SYNPR: variants seen among roughly 807,000 people sequenced by gnomAD.
The protein encoded by SYNPR is synaptoporin.
In SYNPR, 23 loss-of-function variants were observed where a neutral mutation model predicts 32.9. The observed-to-expected ratio is 0.70, with a 90% confidence interval of 0.50 to 0.99. SYNPR has a LOEUF of 0.99. Ranked by LOEUF, SYNPR falls within the 50% of genes least tolerant of loss-of-function variation. The pLI is 0.00. For synonymous variants in SYNPR, 146 were observed against 135.9 expected (o/e 1.07, Z -0.52); for missense variants, 318 against 349.3 (o/e 0.91, Z 0.71).
intron 2 of SYNPR, among the ~76,000 whole-genome samples, chr3:63,385,089 T>C (rs1464390571): frequency 2.6e-5 from 4 of 152,164 alleles, no homozygotes; most frequent in Admixed American, 6.5e-5. Context: ...TACCCTACTT[T>C]CTCAATTTTT....
intron 3 of SYNPR, among the ~76,000 whole-genome samples, chr3:63,488,151 C>T (rs9849131): frequency 0.43 from 65,715 of 151,922 alleles, 14,255 homozygotes; most frequent in East Asian, 0.5. Context: ...TCGGTTTTTA[C>T]CATAATAGCC....
chr3:63,605,663 A>G (rs2106898548), intron 4 of SYNPR, among the ~76,000 whole-genome samples: 1 of 152,346 alleles, frequency 6.6e-6, no homozygotes, highest in Admixed American at 6.5e-5. Context: ...ATGAAACTGG[A>G]AAAGGAACAT....
intron 2 of SYNPR, among the ~76,000 whole-genome samples, chr3:63,363,910 T>G (rs1006886297): frequency 6.6e-6 from 1 of 152,212 alleles, no homozygotes; most frequent in Non-Finnish European, 1.5e-5. Flanking sequence ...ATTATAAAAT[T>G]GTGCATGATA....
At chr3:63,523,898 C>T (rs987462829) in intron 3 of SYNPR, among the ~76,000 whole-genome samples, 2 of 152,136 alleles carry the variant, frequency 1.3e-5, no homozygotes, top group Non-Finnish European at 2.9e-5. Flanking sequence ...AACCAGGAAT[C>T]TGCCCTCCAC....
chr3:63,458,832 A>C (rs1223594498), intron 2 of SYNPR, among the ~76,000 whole-genome samples: 1 of 152,068 alleles, frequency 6.6e-6, no homozygotes, highest in East Asian at 1.9e-4. Flanking sequence ...AACAGGCCTA[A>C]CTATTGTCTC....
intron 4 of SYNPR, among the ~76,000 whole-genome samples, chr3:63,593,141 C>G (rs1400521262): frequency 2.0e-5 from 3 of 152,064 alleles, no homozygotes. Context: ...GGGCTTAGCA[C>G]AGCACCTGAC....
chr3:63,354,577 G>C (rs2087550664), intron 2 of SYNPR, among the ~76,000 whole-genome samples: 1 of 152,200 alleles, frequency 6.6e-6, no homozygotes, highest in African/African-American at 2.4e-5. Flanking sequence ...TTAGTAGGAA[G>C]AACTTCAAAC....
At chr3:63,422,804 T>C (rs991324204) in intron 2 of SYNPR, among the ~76,000 whole-genome samples, 3 of 152,108 alleles carry the variant, frequency 2.0e-5, no homozygotes, top group African/African-American at 7.2e-5. Context: ...GCTATATAGA[T>C]ATTGCAGAGA....
intron 2 of SYNPR, among the ~76,000 whole-genome samples, chr3:63,379,957 G>T (rs547263398): frequency 6.6e-6 from 1 of 152,034 alleles, no homozygotes; most frequent in East Asian, 1.9e-4. Context: ...TTGTCCTTGC[G>T]ATAGTTTGCT....
chr3:63,584,798 T>C (rs1703154395), intron 4 of SYNPR, among the ~76,000 whole-genome samples: 1 of 151,988 alleles, frequency 6.6e-6, no homozygotes, highest in South Asian at 2.1e-4. Flanking sequence ...GGGCCACAGA[T>C]TGTAGTGGAT....
At chr3:63,275,037 A>G (rs576958586), upstream of SYNPR, among the ~76,000 whole-genome samples, 4 of 152,352 alleles carry the variant, frequency 2.6e-5, no homozygotes, top group African/African-American at 9.6e-5. Context: ...TTTGATTTAC[A>G]TAATCAACAC....
chr3:63,294,715 A>C (rs1358310895), intron 2 of SYNPR, among the ~76,000 whole-genome samples: 1 of 152,200 alleles, frequency 6.6e-6, no homozygotes, highest in Non-Finnish European at 1.5e-5. Context: ...CTGTTGTTAT[A>C]AATCTTTCAT....
intron 5 of SYNPR, chr3:63,610,618 G>C (rs1230347950): frequency 1.7e-6 from 1 of 586,916 alleles, no homozygotes; most frequent in Non-Finnish European, 3.1e-6. Context: ...ATTCATTGCT[G>C]ACCACACTTG....
rs112548360 is a variant in SYNPR at position 63,436,184 on chromosome 3, G to GT, written c.85-44636dup. On this transcript the variant is annotated intron_variant, in intron 2 of 5. Transcript: ENST00000478300. ...ATTGAGGACGTGAGCCCCCAGGTGAGTTTTTTTTTTTTAATACTTTAAGTT... is the reference window on the plus strand; with the variant it reads ...ATTGAGGACGTGAGCCCCCAGGTGAGTTTTTTTTTTTTTAATACTTTAAGTT... 6.2e-3 allele frequency among the ~76,000 whole-genome samples: 904 copies of GT among 145,528 alleles called. 7 individuals carry two copies. Among genetic ancestry groups the GT allele is most frequent in the African/African-American group, 0.017 (686 of 40,022 alleles).
chr3:63,253,732 G>C (rs1356815335), intron 2 of SYNPR, among the ~76,000 whole-genome samples: 1 of 152,166 alleles, frequency 6.6e-6, no homozygotes, highest in Non-Finnish European at 1.5e-5. Flanking sequence ...CTGTAAACTA[G>C]TTCAATCATT....
At chr3:63,333,701 A>C (rs1290774977) in intron 2 of SYNPR, among the ~76,000 whole-genome samples, 1 of 152,164 alleles carries the variant, frequency 6.6e-6, no homozygotes, top group Non-Finnish European at 1.5e-5. Context: ...TACAGGTACG[A>C]GCCACTATTC....
At chr3:63,416,875 G>A (rs1005278383) in intron 2 of SYNPR, among the ~76,000 whole-genome samples, 3 of 152,084 alleles carry the variant, frequency 2.0e-5, no homozygotes. Context: ...CTCCCACCAG[G>A]TGCCTCCCAC....
At chr3:63,426,188 CTGAGTG>C (rs1699890138) in intron 2 of SYNPR, among the ~76,000 whole-genome samples, 1 of 152,142 alleles carries the variant, frequency 6.6e-6, no homozygotes, top group African/African-American at 2.4e-5. Context: ...CTTAGAGAAG[CTGAGTG>C]ATTTTCCAAG....
At chr3:63,259,307 C>T (rs918808717) in intron 2 of SYNPR, among the ~76,000 whole-genome samples, 34 of 152,208 alleles carry the variant, frequency 2.2e-4, no homozygotes, top group African/African-American at 7.0e-4. Flanking sequence ...TGATGAACAT[C>T]GATGCAAAAA....
Sources: gnomAD v4.1 joint callset for allele counts (sites outside exome capture counted in the v4.1 genomes callset) on GRCh38, gnomAD v4.1.1 for gene constraint, MANE v1.5 for transcripts, NCBI Gene and HGNC (gene_info 2026-07-23, HGNC 2026-07-21) for gene names.